Variants in PCDH15 observed in about 807,000 individuals in gnomAD.
PCDH15 encodes protocadherin related 15.
In PCDH15, 129 loss-of-function variants were observed where a neutral mutation model predicts 178.5. The observed-to-expected ratio is 0.72, with a 90% CI of 0.63 to 0.84. The LOEUF is 0.84. Among genes scored for constraint, PCDH15 ranks in the 40% least tolerant of loss-of-function variants. The pLI, the probability that PCDH15 is intolerant of heterozygous loss-of-function variation, is 0.00. For missense variants in PCDH15, 2,230 were observed against 2,099.9 expected, an observed-to-expected ratio of 1.06 and a Z score of -1.21; for synonymous variants, 800 against 732.0, an observed-to-expected ratio of 1.09 and a Z score of -1.50.
chr10:54,419,886 C>A (rs1954998328), intron 3 of PCDH15, among the ~76,000 whole-genome samples: 1 of 151,992 alleles, frequency 6.6e-6, no homozygotes, highest in Non-Finnish European at 1.5e-5. Context: ...AGAGAAAATG[C>A]AGAAAAGCTC....
Position 53,961,826 on chromosome 10 carries a change from A to C in PCDH15, c.2935T>G (p.Phe979Val), listed in dbSNP as rs747982495. Residue 979 changes from phenylalanine (F) to valine (V), a missense_variant, in exon 22 of 38, where the codon TTT becomes GTT. Physicochemically the swap from Phe to Val is conservative, Grantham distance 50. Coordinates refer to ENST00000644397, the MANE Select transcript of PCDH15 (RefSeq NM_001384140.1). Reference protein sequence around the residue: ...DVQFPYPASIFEVEEDSGRVI... With the variant: ...DVQFPYPASIVEVEEDSGRVI... ...CTTCCAGAATCTTCTTCCACTTCAA[A>C]AATACTGGCAGGGTAAGGAAACTGT... 1 of 1,611,648 alleles carries C rather than the reference A, an allele frequency of 6.2e-7. No individual in the cohort carries two copies. The highest frequency in any genetic ancestry group is 1.1e-5 in the South Asian group (1 of 90,900).
At chr10:54,015,199 A>AG (rs56397941) in intron 20 of PCDH15, among the ~76,000 whole-genome samples, 115,169 of 151,954 alleles carry the variant, frequency 0.76, 43,879 homozygotes, top group Middle Eastern at 0.86. Flanking sequence ...ACAACTAACC[A>AG]GGTGGTGAAA....
intron 2 of PCDH15, among the ~76,000 whole-genome samples, chr10:54,639,034 C>T (rs2093929711): frequency 6.6e-6 from 1 of 151,990 alleles, no homozygotes; most frequent in South Asian, 2.1e-4. Flanking sequence ...AATATCCTAC[C>T]TTAACAAGCC....
In PCDH15 at chr10:53,806,418, T is replaced by TGAG; in HGVS notation, c.*158_*160dup. The TGAG allele has an allele frequency of 1.6e-6, 1 of 614,970 alleles. No homozygotes were observed. Among genetic ancestry groups the TGAG allele is most frequent in the Non-Finnish European group, 2.7e-6 (1 of 365,924 alleles). The allele number at this position is 614,970 out of a possible 1,614,324, so 38.1% of individuals were successfully genotyped here. A position where few individuals can be genotyped will look rare whatever the true frequency, so the allele number is the denominator to read the frequency against. On this transcript the variant is annotated 3_prime_UTR_variant, in exon 38 of 38. Transcript: ENST00000644397. ...GAAAAACGATTAATTGATAACAATG[T>TGAG]GAGTGCAAATCTGTCTCTTAAAATT...
At chr10:54,729,160 C>T (rs1942994398) in intron 1 of PCDH15, among the ~76,000 whole-genome samples, 1 of 151,662 alleles carries the variant, frequency 6.6e-6, no homozygotes, top group Non-Finnish European at 1.5e-5. Flanking sequence ...CACTACCTGA[C>T]TTTAAATTAT....
chr10:54,228,480 G>A (rs1043854833), intron 9 of PCDH15, among the ~76,000 whole-genome samples: 1 of 152,126 alleles, frequency 6.6e-6, no homozygotes, highest in Non-Finnish European at 1.5e-5. Context: ...TGAGATTTGG[G>A]TGGTGACACA....
intron 2 of PCDH15, among the ~76,000 whole-genome samples, chr10:55,589,957 T>A (rs1842807567): frequency 6.9e-6 from 1 of 145,548 alleles, no homozygotes; most frequent in Non-Finnish European, 1.5e-5. Context: ...GCCATCCCAT[T>A]ACGGGGTATA....
At chr10:53,943,658 A>G (rs2086273515) in intron 23 of PCDH15, among the ~76,000 whole-genome samples, 1 of 152,166 alleles carries the variant, frequency 6.6e-6, no homozygotes, top group African/African-American at 2.4e-5. Context: ...AATCCTATGC[A>G]TACCACTAAA....
chr10:54,196,181 C>T (rs904214223), intron 10 of PCDH15, among the ~76,000 whole-genome samples: 3 of 152,036 alleles, frequency 2.0e-5, no homozygotes, highest in Admixed American at 6.6e-5. Context: ...CTTGCTCTGT[C>T]GCCCAGGCTG....
At chr10:55,356,829 T>C (rs1309285261) in intron 2 of PCDH15, among the ~76,000 whole-genome samples, 2 of 151,980 alleles carry the variant, frequency 1.3e-5, no homozygotes, top group East Asian at 3.9e-4. Context: ...AGTAGAAGAC[T>C]CAAAATTGTA....
intron 2 of PCDH15, among the ~76,000 whole-genome samples, chr10:55,356,870 C>T (rs910768025): frequency 6.6e-6 from 1 of 151,922 alleles, no homozygotes; most frequent in African/African-American, 2.4e-5. Flanking sequence ...CAAGGCAGTG[C>T]ATTTAGCTAT....
At chr10:55,572,173 T>C (rs960115935) in intron 2 of PCDH15, among the ~76,000 whole-genome samples, 1 of 151,938 alleles carries the variant, frequency 6.6e-6, no homozygotes, top group Non-Finnish European at 1.5e-5. Context: ...GCCCATACAG[T>C]AATGTTTAGA....
At chr10:55,449,495 G>A (rs1371430130) in intron 2 of PCDH15, among the ~76,000 whole-genome samples, 1 of 152,056 alleles carries the variant, frequency 6.6e-6, no homozygotes, top group African/African-American at 2.4e-5. Flanking sequence ...TGTCTAAAAT[G>A]AGAGGTCAAA....
chr10:55,250,782 G>A (rs541304714), intron 1 of PCDH15, among the ~76,000 whole-genome samples: 3 of 151,346 alleles, frequency 2.0e-5, no homozygotes, highest in Non-Finnish European at 2.9e-5. Context: ...TGATCCACCC[G>A]CCTCAGCCTC....
At chr10:54,419,738 A>G (rs1954980356) in intron 3 of PCDH15, among the ~76,000 whole-genome samples, 1 of 152,126 alleles carries the variant, frequency 6.6e-6, no homozygotes, top group South Asian at 2.1e-4. Context: ...GAATTTTACT[A>G]AAAATGGCTT....
At chr10:55,407,791 G>A (rs1045109817) in intron 2 of PCDH15, among the ~76,000 whole-genome samples, 1 of 152,074 alleles carries the variant, frequency 6.6e-6, no homozygotes, top group Admixed American at 6.6e-5. Flanking sequence ...CTAAATTTCT[G>A]GAAAAGTATA....
chr10:54,222,371 AT>A (rs777972545), intron 9 of PCDH15, among the ~76,000 whole-genome samples: 2 of 152,150 alleles, frequency 1.3e-5, no homozygotes, highest in Non-Finnish European at 2.9e-5. Context: ...GCAATGACTG[AT>A]TTGTTCATCA....
chr10:54,937,279 T>C (rs1837931407), intron 2 of PCDH15, among the ~76,000 whole-genome samples: 1 of 151,908 alleles, frequency 6.6e-6, no homozygotes. Flanking sequence ...TCTAAGGTTG[T>C]TTTGGAAATT....
At chr10:54,891,435 T>C (rs892323644) in intron 3 of PCDH15, among the ~76,000 whole-genome samples, 3 of 152,154 alleles carry the variant, frequency 2.0e-5, no homozygotes, top group African/African-American at 7.2e-5. Context: ...TTACAGTTTC[T>C]ATGTCTGATC....
Sources: gnomAD v4.1 joint callset for allele counts (sites outside exome capture counted in the v4.1 genomes callset) on GRCh38, gnomAD v4.1.1 for gene constraint, MANE v1.5 for transcripts, NCBI Gene and HGNC (gene_info 2026-07-23, HGNC 2026-07-21) for gene names.